SLC12A7: variants seen among roughly 807,000 people sequenced by gnomAD.
SLC12A7 encodes K-Cl cotransporter 4.
SLC12A7 carries 100 observed loss-of-function variants against 120.6 expected under a neutral mutation model. The observed-to-expected ratio is 0.83, with a 90% CI of 0.71 to 0.98. The LOEUF is 0.98. Among genes scored for constraint, SLC12A7 ranks in the 50% least tolerant of loss-of-function variants. The pLI is 0.00. For missense variants in SLC12A7, 1,373 were observed against 1,548.1 expected (o/e 0.89, Z 1.90); for synonymous variants, 760 against 678.0 (o/e 1.12, Z -1.88).
chr5:1,095,644 G>C (rs1005170526), intron 1 of SLC12A7, among the ~76,000 whole-genome samples: 1 of 152,320 alleles, frequency 6.6e-6, no homozygotes, highest in Non-Finnish European at 1.5e-5. Context: ...AGGAGGGCAG[G>C]CCAAGACCTC....
rs776944816 is a variant in SLC12A7 at position 1,053,408 on chromosome 5, G to A, written c.3101C>T (p.Ala1034Val). ...NGVVLNKSQD[A>V]QLVLLNMPGP... is the part of the protein sequence containing the mutation. Reference sequence around the variant, plus strand: ...TGGCATGTTGAGCAGGACCAGCTGCGCATCCTGGGACTTGTTGAGGACGAC... The same window carrying A: ...TGGCATGTTGAGCAGGACCAGCTGCACATCCTGGGACTTGTTGAGGACGAC... Residue 1034 changes from alanine (A) to valine (V), a missense_variant, in exon 23 of 24, where the codon GCG (alanine) becomes GTG (valine). By Grantham distance (64) the Ala-to-Val change is moderately conservative. Coordinates refer to ENST00000264930, the MANE Select transcript of SLC12A7 (RefSeq NM_006598.3). The A allele has an allele frequency of 2.0e-5, 33 of 1,614,018 alleles. No individual in the cohort carries two copies. Among genetic ancestry groups the A allele is most frequent in the Middle Eastern group, 1.6e-4 (1 of 6,062 alleles).
At chr5:1,103,764 C>T (rs1231172778) in intron 1 of SLC12A7, among the ~76,000 whole-genome samples, 1 of 152,262 alleles carries the variant, frequency 6.6e-6, no homozygotes, top group Non-Finnish European at 1.5e-5. Context: ...CAGGCATGCA[C>T]TGGGACTACA....
In SLC12A7 at chr5:1,081,684, G is replaced by A. The variant is rs144765191; in HGVS notation, c.1190C>T (p.Ser397Leu). The A allele has an allele frequency of 1.7e-4, 282 of 1,613,116 alleles. 9 individuals are homozygous for A. The Admixed American group carries it at 3.7e-3, about 21-fold the overall frequency. Residue 397 changes from serine (S) to leucine (L), a missense_variant, in exon 9 of 24, where the codon TCG (serine) becomes TTG (leucine). By Grantham distance (145) the Ser-to-Leu change is moderately radical. Transcript: ENST00000264930. Reference sequence around the variant, plus strand: ...ACGGCTCTCCTCTGCCACGGGCACCGAGGGCACACCTTTCTTCTCCACAAA... The same window carrying A: ...ACGGCTCTCCTCTGCCACGGGCACCAAGGGCACACCTTTCTTCTCCACAAA... ...GAFVEKKGVP[S>L]VPVAEESRAS...
intron 22 of SLC12A7, among the ~76,000 whole-genome samples, chr5:1,056,892 C>A (rs1203154939): frequency 1.3e-5 from 2 of 152,218 alleles, no homozygotes; most frequent in Non-Finnish European, 2.9e-5. Context: ...GGAGCCTTGG[C>A]GTAGGGCAGG....
At chr5:1,082,423 G>A (rs1257027721) in intron 8 of SLC12A7, among the ~76,000 whole-genome samples, 8 of 139,666 alleles carry the variant, frequency 5.7e-5, no homozygotes, top group African/African-American at 2.2e-4. Context: ...TGGAAAGCCT[G>A]GGCTTCCCAT....
chr5:1,121,078 C>A, the SLC12A7 span, among the ~76,000 whole-genome samples: 30 of 152,344 alleles, frequency 2.0e-4, no homozygotes, highest in East Asian at 5.6e-3. Context: ...TGAGTCCACC[C>A]AACCCTCCTG....
chr5:1,076,009 C>T, intron 14 of SLC12A7, 129 bp downstream of exon 14: 1 of 725,566 alleles, frequency 1.4e-6, no homozygotes, highest in Non-Finnish European at 2.3e-6. Context: ...GAGCAGCTGG[C>T]CTTGTAGAGG....
chr5:1,116,724 G>A (rs4495220), upstream of SLC12A7, among the ~76,000 whole-genome samples: 3,554 of 152,246 alleles, frequency 0.023, 96 homozygotes, highest in East Asian at 0.096. Flanking sequence ...TCACACGGAC[G>A]CCCGTGAGTT....
Position 1,073,764 on chromosome 5 carries a change from G to A in SLC12A7, c.2110C>T (p.Gln704Ter). 3 of 1,511,418 alleles carry A rather than the reference G, an allele frequency of 2.0e-6. No individual in the cohort carries two copies. The highest frequency in any genetic ancestry group is 1.8e-6 in the Non-Finnish European group (2 of 1,124,162). The allele number at this position is 1,511,418 out of a possible 1,614,324, so 93.6% of individuals were successfully genotyped here. A position where few individuals can be genotyped will look rare whatever the true frequency, so the allele number is the denominator to read the frequency against. ...AGCAGGCGGGGGTGCTTCACGGCCT[G>A]CTCCGCGTCCAGGTTCAGCATCACC... The part of the protein sequence containing the change: ...VLVMLNLDAE[Q>*]AVKHPRLLSF... Residue 704 changes from glutamine (Q) to a stop codon, truncating the protein, a stop_gained, in exon 17 of 24, where the codon CAG becomes TAG. Coordinates refer to ENST00000264930, the MANE Select transcript of SLC12A7 (RefSeq NM_006598.3). LOFTEE classifies it high-confidence loss of function.
the SLC12A7 span, among the ~76,000 whole-genome samples, chr5:1,136,727 G>A: frequency 4.8e-4 from 22 of 46,234 alleles, no homozygotes; most frequent in Admixed American, 1.1e-3. Flanking sequence ...GCAGGCACAC[G>A]TGTGCTCAGA....
the SLC12A7 span, among the ~76,000 whole-genome samples, chr5:1,130,118 C>G: frequency 6.6e-6 from 1 of 152,208 alleles, no homozygotes; most frequent in Non-Finnish European, 1.5e-5. Context: ...CAGAATTGCA[C>G]CCGTTTGGTT....
chr5:1,110,641 G>A (rs1389267259), intron 1 of SLC12A7, among the ~76,000 whole-genome samples: 1 of 152,222 alleles, frequency 6.6e-6, no homozygotes, highest in African/African-American at 2.4e-5. Context: ...ACCACGCCAG[G>A]GCCCACACTC....
At chr5:1,134,799 A>G in the SLC12A7 span, among the ~76,000 whole-genome samples, 46,325 of 151,936 alleles carry the variant, frequency 0.3, 8,823 homozygotes, top group African/African-American at 0.55. Context: ...CCATGAACAA[A>G]ACAAGTCGGT....
intron 11 of SLC12A7, among the ~76,000 whole-genome samples, chr5:1,078,241 G>A (rs938053317): frequency 9.9e-5 from 15 of 152,112 alleles, no homozygotes; most frequent in East Asian, 5.8e-4. Flanking sequence ...CCTCAGGGTC[G>A]CTCTTGGGAG....
the SLC12A7 span, among the ~76,000 whole-genome samples, chr5:1,144,508 C>T: frequency 1.4e-4 from 21 of 152,318 alleles, no homozygotes; most frequent in African/African-American, 4.1e-4. Flanking sequence ...AACTGTGGAA[C>T]GGGAGGAGCC....
At chr5:1,063,431 G>A (rs908134575) in intron 20 of SLC12A7, among the ~76,000 whole-genome samples, 1 of 152,104 alleles carries the variant, frequency 6.6e-6, no homozygotes, top group Non-Finnish European at 1.5e-5. Context: ...ACGGGACCAT[G>A]GAGGACACGG....
At chr5:1,134,469 T>A in the SLC12A7 span, among the ~76,000 whole-genome samples, 4 of 146,742 alleles carry the variant, frequency 2.7e-5, no homozygotes, top group Admixed American at 1.4e-4. Flanking sequence ...AAATTCTGTT[T>A]AAAAAAAAAA....
At chr5:1,069,730 G>A (rs978851212) in intron 17 of SLC12A7, among the ~76,000 whole-genome samples, 1 of 152,158 alleles carries the variant, frequency 6.6e-6, no homozygotes, top group Non-Finnish European at 1.5e-5. Flanking sequence ...GTGACGTGAC[G>A]TGACGTGACG....
Position 1,074,549 on chromosome 5 carries a change from G to T in SLC12A7, c.2072+18C>A. 6.2e-7 allele frequency: 1 copy of T among 1,604,402 alleles called. No homozygotes were observed. The highest frequency in any genetic ancestry group is 8.5e-7 in the Non-Finnish European group (1 of 1,173,432). On this transcript the variant is annotated intron_variant, in intron 16 of 23. Transcript: ENST00000264930. The stretch of plus-strand genomic sequence containing the variant: ...TCTTCTGTGCGTCTGAGGACCACGG[G>T]GCATGGGCGGTGCTCACCTCCAGTT...
Sources: allele counts gnomAD v4.1 joint callset (sites outside exome capture counted in the v4.1 genomes callset), GRCh38; gene constraint gnomAD v4.1.1; transcripts MANE v1.5; gene names NCBI Gene and HGNC (gene_info 2026-07-23, HGNC 2026-07-21).